PCDHA5: variants seen among roughly 807,000 people sequenced by gnomAD.
PCDHA5 encodes protocadherin alpha 5.
In PCDHA5, 43 loss-of-function variants were observed where a neutral mutation model predicts 61.6. The observed-to-expected ratio is 0.70, with a 90% CI of 0.55 to 0.90. The LOEUF (loss-of-function observed/expected upper bound fraction) is 0.90. Ranked by LOEUF, PCDHA5 falls within the 40% of genes least tolerant of loss-of-function variation. The probability of loss-of-function intolerance (pLI) is 0.00; values close to 1 mark genes in which losing one functional copy is unlikely to be tolerated. For missense variants in PCDHA5, 1,298 were observed against 1,222.7 expected, an observed-to-expected ratio of 1.06 and a Z score of -0.92; for synonymous variants, 627 against 543.9, an observed-to-expected ratio of 1.15 and a Z score of -2.13.
intron 3 of PCDHA5, among the ~76,000 whole-genome samples, chr5:141,000,412 TATATA>T (rs2097919858): frequency 7.8e-5 from 8 of 102,770 alleles, no homozygotes; most frequent in African/African-American, 2.3e-4. Flanking sequence ...TATATATATA[TATATA>T]TATATTTTTT....
chr5:140,873,318 G>A (rs1164778902), intron 1 of PCDHA5, among the ~76,000 whole-genome samples: 1 of 152,168 alleles, frequency 6.6e-6, no homozygotes, highest in Non-Finnish European at 1.5e-5. Context: ...GTGAATATTA[G>A]ATAGGGCATA....
rs781992926 is a variant in PCDHA5 at position 140,990,008 on chromosome 5, G to A, written c.2500+7445G>A. On this transcript the variant is annotated intron_variant, in intron 3 of 3. Coordinates refer to ENST00000529859, the MANE Select transcript of PCDHA5 (RefSeq NM_018908.3). ...CCTGAAATTGTCTATCTCCAAGGGCGTGGGCTAGGCAAAGGATGGGAGAAG... is the reference window on the plus strand; with the variant it reads ...CCTGAAATTGTCTATCTCCAAGGGCATGGGCTAGGCAAAGGATGGGAGAAG... Among the ~76,000 whole-genome samples the A allele has an allele frequency of 2.8e-4, 43 of 152,230 alleles. 1 individual carries two copies. The highest frequency in any genetic ancestry group is 9.1e-4 in the African/African-American group (38 of 41,532).
chr5:140,834,228 G>A (rs1772850652), intron 1 of PCDHA5: 1 of 716,682 alleles, frequency 1.4e-6, no homozygotes. Flanking sequence ...GCAAAAGGAA[G>A]TCATTCCTTT....
intron 1 of PCDHA5, among the ~76,000 whole-genome samples, chr5:140,916,342 T>C (rs1365738177): frequency 2.0e-5 from 3 of 152,122 alleles, no homozygotes; most frequent in Admixed American, 6.5e-5. Context: ...TTCCTCTGTT[T>C]CTGTCAAACA....
At chr5:140,947,374 T>C (rs1252253428) in intron 1 of PCDHA5, among the ~76,000 whole-genome samples, 7 of 151,768 alleles carry the variant, frequency 4.6e-5, no homozygotes, top group Admixed American at 4.6e-4. Context: ...TTGATCTATA[T>C]GTTTATCCTT....
chr5:140,859,378 T>G lies in PCDHA5; in HGVS notation c.2352+35251T>G. The G allele has an allele frequency of 7.4e-6, 2 of 268,578 alleles. 1 individual carries two copies. Among genetic ancestry groups the G allele is most frequent in the Non-Finnish European group, 1.3e-5 (2 of 148,378 alleles). The allele number at this position is 268,578 out of a possible 1,614,324, so 16.6% of individuals were successfully genotyped here. A position where few individuals can be genotyped will look rare whatever the true frequency, so the allele number is the denominator to read the frequency against. On this transcript the variant is annotated intron_variant, in intron 1 of 3. Transcript: ENST00000529859. ...CTGATATATTGTATAGTTTAATAGCTTCTCTAGTCATCTTAAACAGGGTTG... is the reference window on the plus strand; with the variant it reads ...CTGATATATTGTATAGTTTAATAGCGTCTCTAGTCATCTTAAACAGGGTTG...
rs2043502208 is a variant in PCDHA5 at position 140,855,508 on chromosome 5, C to T, written c.2352+31381C>T. ...AGTGTCTAAATAAACCTTATTAAATCTCAAAATAATGAGAAAGAGAAGTAA... is the reference window on the plus strand; with the variant it reads ...AGTGTCTAAATAAACCTTATTAAATTTCAAAATAATGAGAAAGAGAAGTAA... On this transcript the variant is annotated intron_variant, in intron 1 of 3. Transcript: ENST00000529859. 1.3e-5 allele frequency among the ~76,000 whole-genome samples: 2 copies of T among 149,732 alleles called. 1 individual carries two copies. The highest frequency in any genetic ancestry group is 3.0e-5 in the Non-Finnish European group (2 of 67,030).
At chr5:140,999,892 G>A (rs1329841334) in intron 3 of PCDHA5, among the ~76,000 whole-genome samples, 1 of 152,134 alleles carries the variant, frequency 6.6e-6, no homozygotes, top group Non-Finnish European at 1.5e-5. Context: ...GCTGTAGCTT[G>A]GGACACCAAA....
chr5:140,927,420 G>A (rs782549245), intron 1 of PCDHA5: 5 of 1,614,108 alleles, frequency 3.1e-6, no homozygotes, highest in Non-Finnish European at 4.2e-6. Flanking sequence ...TGGGATCGCG[G>A]GTTGACGGCA....
chr5:140,974,456 A>G (rs957426015), intron 1 of PCDHA5, among the ~76,000 whole-genome samples: 2 of 152,230 alleles, frequency 1.3e-5, no homozygotes, highest in Non-Finnish European at 2.9e-5. Context: ...AAATGACTAC[A>G]TTCAGAGGAA....
intron 1 of PCDHA5, chr5:140,868,803 C>A: frequency 2.9e-6 from 1 of 350,392 alleles, no homozygotes; most frequent in South Asian, 7.0e-5. Context: ...CATAAATAAG[C>A]ACGTTGGAAA....
chr5:140,908,490 G>T (rs149646315), intron 1 of PCDHA5, among the ~76,000 whole-genome samples: 3,582 of 152,250 alleles, frequency 0.024, 49 homozygotes, highest in Middle Eastern at 0.034. Flanking sequence ...GGCAGTTCAG[G>T]TTGCTTGGTG....
At chr5:140,978,800 TATC>T (rs1193658453) in intron 1 of PCDHA5, 146 bp from the exon 2 acceptor site, 56 of 1,480,550 alleles carry the variant, frequency 3.8e-5, no homozygotes, top group Admixed American at 1.1e-4. Context: ...TATATGTAGA[TATC>T]ATCATAGAGT....
At chr5:140,926,471 T>G in intron 1 of PCDHA5, 1 of 162,332 alleles carries the variant, frequency 6.2e-6, no homozygotes, top group Non-Finnish European at 1.3e-5. Context: ...GAAAACACCG[T>G]TTAAGGAGAG....
chr5:140,898,245 T>G (rs1583300763), intron 1 of PCDHA5, among the ~76,000 whole-genome samples: 1 of 152,246 alleles, frequency 6.6e-6, no homozygotes, highest in East Asian at 1.9e-4. Flanking sequence ...TTTGGTGTTT[T>G]AGACATGAAG....
rs1563185469 is a variant in PCDHA5 at position 140,941,211 on chromosome 5, CTTCCTTT to C, written c.2353-37737_2353-37731del. On this transcript the variant is annotated intron_variant, in intron 1 of 3. Coordinates refer to ENST00000529859, the MANE Select transcript of PCDHA5 (RefSeq NM_018908.3). The stretch of plus-strand genomic sequence containing the variant: ...TTTTTTTTTCTTTCTTCCTTTCTTT[CTTCCTTT>C]CTTTCTTTCTTTCTTTCTTTCTTTC... Among the ~76,000 whole-genome samples, 1,009 of 129,652 alleles carry C rather than the reference CTTCCTTT, an allele frequency of 7.8e-3. 14 individuals are homozygous for C. Among genetic ancestry groups the C allele is most frequent in the Middle Eastern group, 0.036 (9 of 248 alleles). 85.1% of individuals were successfully genotyped at this position (129,652 alleles called of 152,430 possible).
rs2150462015 is a variant in PCDHA5 at position 140,849,990 on chromosome 5, T to G, written c.2352+25863T>G. On this transcript the variant is annotated intron_variant, in intron 1 of 3. Coordinates refer to ENST00000529859, the MANE Select transcript of PCDHA5 (RefSeq NM_018908.3). ...GTCCTACTCGCTGGTGGAGCGGCGGTTGGGCGAGCGCTCGCTGTCGAGCTA... is the reference window on the plus strand; with the variant it reads ...GTCCTACTCGCTGGTGGAGCGGCGGGTGGGCGAGCGCTCGCTGTCGAGCTA... 9.1e-5 allele frequency: 145 copies of G among 1,596,718 alleles called. 14 individuals carry two copies. The highest frequency in any genetic ancestry group is 5.1e-4 in the Admixed American group (30 of 59,270).
rs566700844 is a variant in PCDHA5, at chr5:140,926,191, C to T, written c.2353-52758C>T. On this transcript the variant is annotated intron_variant, in intron 1 of 3. Coordinates refer to ENST00000529859, the MANE Select transcript of PCDHA5 (RefSeq NM_018908.3). Reference sequence around the variant, plus strand: ...CCAGCGCGGAAAGCCCCCCGCAGCACTTCTTTCGGGGGGCTCCTGTTTCCT... The same window carrying T: ...CCAGCGCGGAAAGCCCCCCGCAGCATTTCTTTCGGGGGGCTCCTGTTTCCT... Among the ~76,000 whole-genome samples the T allele has an allele frequency of 8.1e-3, 1,227 of 151,838 alleles. 6 individuals carry two copies. Among genetic ancestry groups the T allele is most frequent in the African/African-American group, 0.019 (793 of 41,542 alleles).
chr5:140,830,136 C>T (rs2150181675), intron 1 of PCDHA5: 3 of 1,613,258 alleles, frequency 1.9e-6, no homozygotes, highest in Non-Finnish European at 8.5e-7. Flanking sequence ...TCATCACGGG[C>T]GTCGGTGGGC....
Sources: gnomAD v4.1 joint callset for allele counts (sites outside exome capture counted in the v4.1 genomes callset) on GRCh38, gnomAD v4.1.1 for gene constraint, MANE v1.5 for transcripts, NCBI Gene and HGNC (gene_info 2026-07-23, HGNC 2026-07-21) for gene names.